ZNF804A: variants seen among roughly 807,000 people sequenced by gnomAD.
ZNF804A encodes the protein zinc finger protein 804A.
In ZNF804A, 2 loss-of-function variants were observed where a neutral mutation model predicts 16.5. That is an observed-to-expected ratio of 0.12 (90% CI 0.05 to 0.38). The LOEUF (loss-of-function observed/expected upper bound fraction) is 0.38. Ranked by LOEUF, ZNF804A falls within the 10% of genes least tolerant of loss-of-function variation. ZNF804A has a pLI of 0.99. For missense variants in ZNF804A, 1,473 were observed against 1,390.7 expected (o/e 1.06, Z -0.94); for synonymous variants, 534 against 489.6 (o/e 1.09, Z -1.20).
Position 184,737,307 on chromosome 2 carries a change from T to A in ZNF804A, c.112-129062T>A, listed in dbSNP as rs542389975. On this transcript the variant is annotated intron_variant, in intron 1 of 3. Coordinates refer to ENST00000302277, the MANE Select transcript of ZNF804A (RefSeq NM_194250.2). The stretch of plus-strand genomic sequence containing the variant: ...CTATCTCCTGACCTCGTGATCCACC[T>A]GCCCCGGCCTCCCAAAGTGCTGGGA... Among the ~76,000 whole-genome samples the A allele has an allele frequency of 1.3e-3, 198 of 152,118 alleles. 2 individuals are homozygous for A. The highest frequency in any genetic ancestry group is 4.3e-3 in the African/African-American group (180 of 41,514).
intron 1 of ZNF804A, among the ~76,000 whole-genome samples, chr2:184,694,209 GA>G (rs201494896): frequency 0.052 from 7,861 of 151,634 alleles, 259 homozygotes; most frequent in Non-Finnish European, 0.077. Context: ...TTGGCCTCCA[GA>G]AGTGCTGGGA....
chr2:184,731,316 T>C (rs1180165475), intron 1 of ZNF804A, among the ~76,000 whole-genome samples: 1 of 149,432 alleles, frequency 6.7e-6, no homozygotes. Context: ...TAAACTGTGT[T>C]CCAAAGTGGT....
chr2:184,783,851 T>C (rs1694408768), intron 1 of ZNF804A, among the ~76,000 whole-genome samples: 1 of 152,014 alleles, frequency 6.6e-6, no homozygotes, highest in Non-Finnish European at 1.5e-5. Context: ...GTATCCTTGT[T>C]TGTATTACAG....
intron 1 of ZNF804A, among the ~76,000 whole-genome samples, chr2:184,778,427 C>T (rs765564439): frequency 2.1e-4 from 32 of 151,044 alleles, no homozygotes; most frequent in Admixed American, 4.6e-4. Context: ...ATTAACAAAC[C>T]GACACATATG....
chr2:184,689,596 C>T (rs1436837248), intron 1 of ZNF804A, among the ~76,000 whole-genome samples: 3 of 151,892 alleles, frequency 2.0e-5, no homozygotes, highest in South Asian at 4.2e-4. Context: ...TAGGGCCATG[C>T]TTTAGGACTA....
chr2:184,832,393 C>T (rs1485113868), intron 1 of ZNF804A, among the ~76,000 whole-genome samples: 1 of 151,998 alleles, frequency 6.6e-6, no homozygotes, highest in Non-Finnish European at 1.5e-5. Flanking sequence ...AATGCTTATT[C>T]TTCATGAATA....
chr2:184,656,253 C>A (rs1692071597), intron 1 of ZNF804A, among the ~76,000 whole-genome samples: 1 of 152,048 alleles, frequency 6.6e-6, no homozygotes. Flanking sequence ...TTCTCTGGAA[C>A]CTCAAGAGAT....
rs115931182 is a variant in ZNF804A at position 184,780,035 on chromosome 2, C to T, written c.112-86334C>T. Among the ~76,000 whole-genome samples, 1,290 of 151,826 alleles carry T rather than the reference C, an allele frequency of 8.5e-3. 20 individuals are homozygous for T. The highest frequency in any genetic ancestry group is 0.03 in the African/African-American group (1,225 of 41,488). On this transcript the variant is annotated intron_variant, in intron 1 of 3. Transcript: ENST00000302277. ...CAGGCTCCCAGGCTTCACAGGTTCACGACCATTCTAGAACTTTCTAAATGT... is the reference window on the plus strand; with the variant it reads ...CAGGCTCCCAGGCTTCACAGGTTCATGACCATTCTAGAACTTTCTAAATGT...
chr2:184,845,905 T>C (rs1195444608), intron 1 of ZNF804A, among the ~76,000 whole-genome samples: 1 of 152,146 alleles, frequency 6.6e-6, no homozygotes, highest in Non-Finnish European at 1.5e-5. Flanking sequence ...TACCAGTTCA[T>C]GACTCCAGCA....
At chr2:184,791,695 T>C (rs1466629590) in intron 1 of ZNF804A, among the ~76,000 whole-genome samples, 1 of 152,170 alleles carries the variant, frequency 6.6e-6, no homozygotes, top group Non-Finnish European at 1.5e-5. Context: ...AACACATCAT[T>C]ATAAACCAAA....
At chr2:184,615,202 A>G (rs774743207) in intron 1 of ZNF804A, among the ~76,000 whole-genome samples, 4 of 152,220 alleles carry the variant, frequency 2.6e-5, no homozygotes. Context: ...AATACTATGC[A>G]GCCATAAAAA....
intron 1 of ZNF804A, among the ~76,000 whole-genome samples, chr2:184,641,187 A>G (rs1284478454): frequency 6.6e-6 from 1 of 152,050 alleles, no homozygotes; most frequent in African/African-American, 2.4e-5. Flanking sequence ...TCATGACCTC[A>G]TGATCTGCCC....
chr2:184,686,654 C>G (rs895986371), intron 1 of ZNF804A, among the ~76,000 whole-genome samples: 1 of 152,160 alleles, frequency 6.6e-6, no homozygotes, highest in Non-Finnish European at 1.5e-5. Context: ...AATTTATGTT[C>G]CCACCAACAG....
At chr2:184,687,808 G>T (rs1692661997) in intron 1 of ZNF804A, among the ~76,000 whole-genome samples, 1 of 152,118 alleles carries the variant, frequency 6.6e-6, no homozygotes, top group African/African-American at 2.4e-5. Flanking sequence ...AAAAAATTTA[G>T]ACAGGCCAAA....
chr2:184,878,947 C>A (rs1330533515), intron 2 of ZNF804A, among the ~76,000 whole-genome samples: 1 of 151,874 alleles, frequency 6.6e-6, no homozygotes, highest in Non-Finnish European at 1.5e-5. Context: ...ATTATGCTTA[C>A]CTATCATAAT....
chr2:184,785,851 A>G (rs1694440164), intron 1 of ZNF804A, among the ~76,000 whole-genome samples: 1 of 152,238 alleles, frequency 6.6e-6, no homozygotes, highest in South Asian at 2.1e-4. Flanking sequence ...AGAAGTCAGT[A>G]GAATCAGCTG....
At chr2:184,749,980 A>G (rs368404588) in intron 1 of ZNF804A, among the ~76,000 whole-genome samples, 2 of 151,404 alleles carry the variant, frequency 1.3e-5, no homozygotes, top group African/African-American at 2.4e-5. Flanking sequence ...GATAATGAAT[A>G]CTTATATACT....
chr2:184,714,155 A>G (rs1211039275), intron 1 of ZNF804A, among the ~76,000 whole-genome samples: 1 of 152,010 alleles, frequency 6.6e-6, no homozygotes, highest in Non-Finnish European at 1.5e-5. Context: ...CATGTTGGAA[A>G]GTGGTTGATC....
chr2:184,659,219 C>A (rs920741712), intron 1 of ZNF804A, among the ~76,000 whole-genome samples: 3 of 152,082 alleles, frequency 2.0e-5, no homozygotes, highest in Non-Finnish European at 4.4e-5. Context: ...CCACTCTGGG[C>A]TTATTACTAC....
Sources: gnomAD v4.1 joint callset for allele counts (sites outside exome capture counted in the v4.1 genomes callset) on GRCh38, gnomAD v4.1.1 for gene constraint, MANE v1.5 for transcripts, NCBI Gene and HGNC (gene_info 2026-07-23, HGNC 2026-07-21) for gene names.